PACRG: variants seen among roughly 807,000 people sequenced by gnomAD.
PACRG encodes parkin coregulated gene protein.
A neutral mutation model predicts 29.7 loss-of-function variants in PACRG; 29 were observed. The observed-to-expected ratio is 0.98, with a 90% CI of 0.73 to 1.33. The LOEUF is 1.33. Ranked by LOEUF, PACRG falls within the 40% of genes most tolerant of loss-of-function variation. The pLI, the probability that PACRG is intolerant of heterozygous loss-of-function variation, is 0.00. For synonymous variants in PACRG, 116 were observed against 118.7 expected (o/e 0.98, Z 0.15); for missense variants, 279 against 316.2 (o/e 0.88, Z 0.89).
At position 163,176,228 on chromosome 6, in the gene PACRG, G is replaced by A. The variant is rs539749866; in HGVS notation, c.613+86820G>A. Among the ~76,000 whole-genome samples, 26 of 152,324 alleles carry A rather than the reference G, an allele frequency of 1.7e-4. 1 individual carries two copies. In the South Asian group the frequency reaches 5.2e-3, roughly 30 times the overall value. The stretch of plus-strand genomic sequence containing the variant: ...GCAGTCATGACTGTTCTTGGACACA[G>A]AAGGTGATCAGAACAAAGATACTAA... On this transcript the variant is annotated intron_variant, in intron 4 of 4. Coordinates refer to ENST00000366888, the MANE Select transcript of PACRG (RefSeq NM_001080379.2).
intron 4 of PACRG, among the ~76,000 whole-genome samples, chr6:163,148,812 C>T (rs548052271): frequency 1.3e-5 from 2 of 152,214 alleles, no homozygotes; most frequent in South Asian, 4.1e-4. Context: ...CTCTCCTGAA[C>T]GTGCTCTGTG....
intron 3 of PACRG, among the ~76,000 whole-genome samples, chr6:163,078,494 C>T (rs888278836): frequency 3.4e-5 from 3 of 87,652 alleles, no homozygotes; most frequent in African/African-American, 1.4e-4. Context: ...AATTTAGTCT[C>T]AAAAAAAAAG....
At chr6:163,199,618 C>T (rs1780615784) in intron 4 of PACRG, among the ~76,000 whole-genome samples, 1 of 152,202 alleles carries the variant, frequency 6.6e-6, no homozygotes, top group African/African-American at 2.4e-5. Flanking sequence ...CCAAGCTTGG[C>T]CGCCTCTCAG....
chr6:162,881,532 T>C (rs1584639430), intron 2 of PACRG, among the ~76,000 whole-genome samples: 1 of 152,160 alleles, frequency 6.6e-6, no homozygotes, highest in East Asian at 1.9e-4. Flanking sequence ...CACTTGTGGA[T>C]GTTCACATGG....
intron 1 of PACRG, among the ~76,000 whole-genome samples, chr6:162,801,096 A>T (rs1229098744): frequency 1.3e-5 from 2 of 152,184 alleles, no homozygotes; most frequent in Admixed American, 1.3e-4. Flanking sequence ...AAACTGTGCT[A>T]AATCTTTTAG....
At chr6:162,990,063 T>C (rs939337156) in intron 2 of PACRG, among the ~76,000 whole-genome samples, 8 of 150,850 alleles carry the variant, frequency 5.3e-5, no homozygotes, top group African/African-American at 1.9e-4. Flanking sequence ...ACAAAGGACA[T>C]GAACTCATCA....
intron 1 of PACRG, among the ~76,000 whole-genome samples, chr6:162,799,465 T>TC (rs796800383): frequency 7.9e-5 from 12 of 152,310 alleles, no homozygotes; most frequent in African/African-American, 2.9e-4. Flanking sequence ...TAAGTTGTAG[T>TC]AAGTGTGCTT....
At chr6:162,842,771 A>T (rs954384798) in intron 2 of PACRG, among the ~76,000 whole-genome samples, 17 of 124,660 alleles carry the variant, frequency 1.4e-4, no homozygotes, top group African/African-American at 5.4e-4. Context: ...TTCCTTCAGG[A>T]GCTCTTTTAG....
intron 4 of PACRG, chr6:163,090,437 G>A (rs1017466942): frequency 6.6e-6 from 1 of 152,166 alleles, no homozygotes; most frequent in African/African-American, 2.4e-5. Context: ...TGCCTGTAAT[G>A]GAGTGCTTGC....
chr6:163,256,109 A>G (rs1170454448), intron 4 of PACRG, among the ~76,000 whole-genome samples: 1 of 152,220 alleles, frequency 6.6e-6, no homozygotes, highest in African/African-American at 2.4e-5. Context: ...GAATTTTTAA[A>G]CATATTTGAC....
At chr6:162,749,800 G>C (rs768227900) in intron 1 of PACRG, among the ~76,000 whole-genome samples, 2 of 152,252 alleles carry the variant, frequency 1.3e-5, no homozygotes, top group African/African-American at 4.8e-5. Flanking sequence ...CATTATAGAC[G>C]TGAGCCACCG....
intron 1 of PACRG, among the ~76,000 whole-genome samples, chr6:162,754,097 C>A (rs1170496604): frequency 6.6e-6 from 1 of 151,306 alleles, no homozygotes; most frequent in African/African-American, 2.4e-5. Flanking sequence ...ATTTACATTC[C>A]CCTCATCAAT....
rs548877647 is a variant in PACRG at position 163,051,069 on chromosome 6, C to T, written c.292-11081C>T. On this transcript the variant is annotated intron_variant, in intron 2 of 4. Transcript: ENST00000366888. ...TGCTGCCTCTGCATTCATCTTCCAG[C>T]TCCGTGATCCAGATCTCTAATTCTC... 4.3e-4 allele frequency among the ~76,000 whole-genome samples: 66 copies of T among 152,304 alleles called. 3 individuals are homozygous for T. In the South Asian group the frequency reaches 0.013, roughly 31 times the overall value.
intron 4 of PACRG, among the ~76,000 whole-genome samples, chr6:163,250,047 G>C (rs1782841948): frequency 6.6e-6 from 1 of 152,176 alleles, no homozygotes; most frequent in Admixed American, 6.5e-5. Context: ...GTGAATAGTT[G>C]GTGGCATTCT....
chr6:162,921,762 T>TTAAG (rs1170440626), intron 2 of PACRG, among the ~76,000 whole-genome samples: 1 of 152,194 alleles, frequency 6.6e-6, no homozygotes, highest in Admixed American at 6.5e-5. Context: ...GGAATCCTGT[T>TTAAG]TCTTAGTCTT....
intron 2 of PACRG, among the ~76,000 whole-genome samples, chr6:162,882,182 A>G (rs1225300381): frequency 1.5e-5 from 2 of 136,232 alleles, no homozygotes; most frequent in African/African-American, 2.7e-5. Context: ...AAGACCAGAG[A>G]CTGGGGGTGG....
Position 163,192,669 on chromosome 6 carries a change from C to T in PACRG, c.613+103261C>T, listed in dbSNP as rs118067649. Among the ~76,000 whole-genome samples, 268 of 152,214 alleles carry T rather than the reference C, an allele frequency of 1.8e-3. 3 individuals carry two copies. In the East Asian group the frequency reaches 0.049, roughly 28 times the overall value. On this transcript the variant is annotated intron_variant, in intron 4 of 4. Coordinates refer to ENST00000366888, the MANE Select transcript of PACRG (RefSeq NM_001080379.2). ...TTTTAAATACTTTTTTTTATCATAG[C>T]GTACAAAGCTAGAGTTCTCTGACAT...
intron 4 of PACRG, among the ~76,000 whole-genome samples, chr6:163,203,357 G>A (rs1275779563): frequency 1.3e-5 from 2 of 152,166 alleles, no homozygotes; most frequent in Non-Finnish European, 2.9e-5. Context: ...AGGTTGCAGT[G>A]AGCCGAGATT....
intron 2 of PACRG, among the ~76,000 whole-genome samples, chr6:163,040,106 G>C (rs576141900): frequency 1.3e-5 from 2 of 152,186 alleles, no homozygotes; most frequent in African/African-American, 2.4e-5. Flanking sequence ...TGCTCTGAGC[G>C]GCCCCAGGAT....
Sources: gnomAD v4.1 joint callset for allele counts (sites outside exome capture counted in the v4.1 genomes callset) on GRCh38, gnomAD v4.1.1 for gene constraint, MANE v1.5 for transcripts, NCBI Gene and HGNC (gene_info 2026-07-23, HGNC 2026-07-21) for gene names.